ABLIM2: variants seen among roughly 807,000 people sequenced by gnomAD.
ABLIM2 encodes actin binding LIM protein family member 2.
A neutral mutation model predicts 97.7 loss-of-function variants in ABLIM2; 53 were observed. That is an observed-to-expected ratio of 0.54 (90% CI 0.44 to 0.68). The LOEUF is 0.68. Among genes scored for constraint, ABLIM2 ranks in the 30% least tolerant of loss-of-function variants. The pLI is 0.00. For missense variants in ABLIM2, 835 were observed against 867.2 expected (o/e 0.96, Z 0.47); for synonymous variants, 361 against 345.8 (o/e 1.04, Z -0.49).
chr4:7,977,828 A>AT (rs56315083), intron 20 of ABLIM2, among the ~76,000 whole-genome samples: 5 of 151,852 alleles, frequency 3.3e-5, no homozygotes, highest in South Asian at 4.1e-4. Context: ...AAATAAATAA[A>AT]AGGTGGGGCA....
At chr4:8,089,437 C>A (rs958051173) in intron 3 of ABLIM2, among the ~76,000 whole-genome samples, 2 of 152,136 alleles carry the variant, frequency 1.3e-5, no homozygotes, top group Admixed American at 1.3e-4. Flanking sequence ...ACGGGTGCCC[C>A]TTAAATCCCC....
At chr4:8,042,665 C>T (rs184692455) in intron 9 of ABLIM2, among the ~76,000 whole-genome samples, 2 of 152,060 alleles carry the variant, frequency 1.3e-5, no homozygotes, top group Admixed American at 6.6e-5. Context: ...CATGGAGAAA[C>T]CCCGTCTCTA....
At chr4:8,099,052 G>A (rs1008468790) in intron 2 of ABLIM2, among the ~76,000 whole-genome samples, 2 of 152,220 alleles carry the variant, frequency 1.3e-5, no homozygotes, top group African/African-American at 4.8e-5. Flanking sequence ...AGCATCAAAG[G>A]GAAGCTCCAG....
chr4:8,127,654 C>G lies in ABLIM2; in HGVS notation c.11-21017G>C, dbSNP rs574799953. On this transcript the variant is annotated intron_variant, in intron 1 of 20. Coordinates refer to ENST00000447017, the MANE Select transcript of ABLIM2 (RefSeq NM_001130083.2). This position sits in a 1 kb window ranked among gnomAD's most constrained non-coding sequence, Gnocchi z 7.3. ...GGCCTGGCACCCACGGAGGATCGGG[C>G]AGGAGTGGACCGGGGAAGAGCCTCT... 7.8e-7 allele frequency: 1 copy of G among 1,283,072 alleles called. No homozygotes were observed. The highest frequency in any genetic ancestry group is 1.0e-6 in the Non-Finnish European group (1 of 983,938). 79.5% of individuals were successfully genotyped at this position (1,283,072 alleles called of 1,614,324 possible).
At chr4:8,028,030 G>C (rs552072997) in intron 11 of ABLIM2, among the ~76,000 whole-genome samples, 173 bp from the exon 12 acceptor site, 1 of 152,222 alleles carries the variant, frequency 6.6e-6, no homozygotes, top group Non-Finnish European at 1.5e-5. Flanking sequence ...TCTCCTCCAG[G>C]AGCGAGGAAA....
chr4:7,997,782 T>C (rs1754341915), intron 16 of ABLIM2, among the ~76,000 whole-genome samples: 1 of 152,204 alleles, frequency 6.6e-6, no homozygotes. Context: ...TTGTAATTGC[T>C]TGTTGAAGCA....
At chr4:8,016,623 G>C (rs913113536) in intron 14 of ABLIM2, among the ~76,000 whole-genome samples, 4 of 152,172 alleles carry the variant, frequency 2.6e-5, no homozygotes, top group Admixed American at 6.5e-5. Flanking sequence ...TCTCAGACCA[G>C]ACAAACTAGA....
chr4:8,108,565 C>G (rs542392429), intron 1 of ABLIM2, among the ~76,000 whole-genome samples: 84 of 152,382 alleles, frequency 5.5e-4, no homozygotes, highest in African/African-American at 1.9e-3. Context: ...ATGGCCAGGA[C>G]TTGACTCACA....
chr4:7,984,899 A>C lies in ABLIM2; in HGVS notation c.1681-6T>G. 1 of 1,608,464 alleles carries C rather than the reference A, an allele frequency of 6.2e-7. No individual in the cohort carries two copies. Among genetic ancestry groups the C allele is most frequent in the Non-Finnish European group, 8.5e-7 (1 of 1,177,778 alleles). ...CAGGGGGCCAGATTGGCATTCTGGA[A>C]GAGAAAGAGAGGTTGGGCGGCAAGA... On this transcript the variant is annotated splice_region_variant and splice_polypyrimidine_tract_variant and intron_variant, in intron 17 of 20. Coordinates refer to ENST00000447017, the MANE Select transcript of ABLIM2 (RefSeq NM_001130083.2).
At chr4:8,000,324 A>C (rs2150168296) in intron 16 of ABLIM2, among the ~76,000 whole-genome samples, 1 of 152,146 alleles carries the variant, frequency 6.6e-6, no homozygotes, top group East Asian at 1.9e-4. Flanking sequence ...AGGCCACAGG[A>C]TCCCCGTGTG....
intron 2 of ABLIM2, among the ~76,000 whole-genome samples, chr4:8,099,830 G>A (rs915537466): frequency 5.3e-5 from 8 of 152,258 alleles, no homozygotes; most frequent in African/African-American, 1.9e-4. Context: ...GGGTGACAGA[G>A]TGAGACTCCA....
chr4:8,103,235 C>T (rs1260934522), intron 2 of ABLIM2, among the ~76,000 whole-genome samples: 2 of 152,168 alleles, frequency 1.3e-5, no homozygotes, highest in Admixed American at 1.3e-4. Flanking sequence ...TGAGTTGGGT[C>T]TTCTTTTTAT....
chr4:8,077,688 G>T lies in ABLIM2; in HGVS notation c.615C>A (p.His205Gln). The change falls in exon 6 of 21, where the codon CAC (histidine) becomes CAA (glutamine). Residue 205 changes from histidine to glutamine, a missense_variant. Transcript: ENST00000447017. ...TGTCACAGCGGATGCCGAACTTGGCGTGATAGTCAGCTTCGCAGTAGGGCA... is the reference window on the plus strand; with the variant it reads ...TGTCACAGCGGATGCCGAACTTGGCTTGATAGTCAGCTTCGCAGTAGGGCA... ...DGLPYCEADY[H>Q]AKFGIRCDSC... 6.2e-7 allele frequency: 1 copy of T among 1,613,074 alleles called. No homozygotes were observed. Among genetic ancestry groups the T allele is most frequent in the Non-Finnish European group, 8.5e-7 (1 of 1,179,486 alleles).
At chr4:8,131,980 GGCAGCCCGCATCCCCTGCACA>G (rs1337686817) in intron 1 of ABLIM2, among the ~76,000 whole-genome samples, 36 of 125,610 alleles carry the variant, frequency 2.9e-4, no homozygotes, top group South Asian at 5.4e-4. Flanking sequence ...TCCCCTGCAC[GGCAGCCCGCATCCCCTGCACA>G]GCAGCCCGCA....
chr4:8,054,274 G>T lies in ABLIM2; in HGVS notation c.764-28C>A. 4 of 1,611,106 alleles carry T rather than the reference G, an allele frequency of 2.5e-6. No individual in the cohort carries two copies. The highest frequency in any genetic ancestry group is 3.4e-6 in the Non-Finnish European group (4 of 1,177,314). Reference sequence around the variant, plus strand: ...GTTGACAAATTCCCAAGAGGGAAATGATTAGAGTTATTTCCCATGTTGCAG... The same window carrying T: ...GTTGACAAATTCCCAAGAGGGAAATTATTAGAGTTATTTCCCATGTTGCAG... On this transcript the variant is annotated intron_variant, in intron 7 of 20. Coordinates refer to ENST00000447017, the MANE Select transcript of ABLIM2 (RefSeq NM_001130083.2). The surrounding 1 kb of genome is among the most constrained non-coding windows in gnomAD (Gnocchi z 4.9).
intron 20 of ABLIM2, 103 bp from the exon 21 acceptor site, chr4:7,967,206 T>C: frequency 1.0e-6 from 1 of 953,282 alleles, no homozygotes. Context: ...AGGATTGCAT[T>C]GAGGATGGGG....
intron 1 of ABLIM2, among the ~76,000 whole-genome samples, chr4:8,152,136 C>CT (rs1196840252): frequency 6.6e-6 from 1 of 152,112 alleles, no homozygotes; most frequent in Non-Finnish European, 1.5e-5. Flanking sequence ...CATCATGATG[C>CT]CCCCAAACGG....
rs149978123 is a variant in ABLIM2 at position 8,157,514 on chromosome 4, G to A, written c.10+1166C>T. On this transcript the variant is annotated intron_variant, in intron 1 of 20. Coordinates refer to ENST00000447017, the MANE Select transcript of ABLIM2 (RefSeq NM_001130083.2). ...ACTCCCAAAGGCTCCCGGCAACGCC[G>A]TCCCTCCTTCCTTGGATTGGAGGGG... Among the ~76,000 whole-genome samples, 525 of 152,338 alleles carry A rather than the reference G, an allele frequency of 3.4e-3. 2 individuals carry two copies. The highest frequency in any genetic ancestry group is 0.012 in the African/African-American group (501 of 41,576).
intron 17 of ABLIM2, among the ~76,000 whole-genome samples, chr4:7,987,303 AG>A (rs948937485): frequency 4.6e-5 from 7 of 151,280 alleles, no homozygotes; most frequent in Non-Finnish European, 1.0e-4. Context: ...AAAAAAAAAA[AG>A]TAGATATGGG....
Sources: allele counts gnomAD v4.1 joint callset (sites outside exome capture counted in the v4.1 genomes callset), GRCh38; gene constraint gnomAD v4.1.1; non-coding constraint Gnocchi (gnomAD v3.1); transcripts MANE v1.5; gene names NCBI Gene and HGNC (gene_info 2026-07-23, HGNC 2026-07-21).